ZNF107: variants seen among roughly 807,000 people sequenced by gnomAD.
ZNF107 encodes the protein zinc finger protein 107, also known as C2H2 type zinc-finger protein.
In ZNF107, 19 loss-of-function variants were observed where a neutral mutation model predicts 12.3. The ratio of observed to expected loss-of-function variants is 1.55; its 90% confidence interval spans 1.08 to 2.27. ZNF107 has a LOEUF of 2.27. Ranked by LOEUF, ZNF107 falls within the 30% of genes most tolerant of loss-of-function variation. The probability of loss-of-function intolerance (pLI) is 0.00; values close to 1 mark genes in which losing one functional copy is unlikely to be tolerated. For missense variants in ZNF107, 958 were observed against 979.9 expected, an observed-to-expected ratio of 0.98 and a Z score of 0.30; for synonymous variants, 317 against 330.5, an observed-to-expected ratio of 0.96 and a Z score of 0.44.
intron 3 of ZNF107, among the ~76,000 whole-genome samples, chr7:64,705,576 CATCACAATCTTTATA>C: frequency 6.6e-6 from 1 of 152,012 alleles, no homozygotes; most frequent in Admixed American, 6.6e-5. Context: ...ACAAGTTGTC[CATCACAATCTTTATA>C]ATGTAGCTTT....
intron 1 of ZNF107, among the ~76,000 whole-genome samples, chr7:64,673,238 T>A (rs549783682): frequency 4.7e-4 from 71 of 152,282 alleles, no homozygotes; most frequent in African/African-American, 1.6e-3. Context: ...GAGATGGGGT[T>A]TCACCATCTT....
chr7:64,666,204 C>T lies in ZNF107; in HGVS notation c.-79C>T, dbSNP rs1788993518. On this transcript the variant is annotated 5_prime_UTR_variant, in exon 1 of 4. Transcript: ENST00000620827. ...GCTCAGTGTCCTCTGCTCCTAGAGG[C>T]CCAGCCTCTGTGTCCCTGTGACCTG... 10 of 1,576,046 alleles carry T rather than the reference C, an allele frequency of 6.3e-6. No individual in the cohort carries two copies. Among genetic ancestry groups the T allele is most frequent in the East Asian group, 2.3e-5 (1 of 43,570 alleles).
rs1276399939 is a variant in ZNF107, at chr7:64,676,514, T to A, written c.3+10229T>A. ...CTGTGTCAGAATCTAAGTCTCTTTA[T>A]AAATCTCTAAGAAATTGCTTTATTC... On this transcript the variant is annotated intron_variant, in intron 1 of 3. Transcript: ENST00000620827. Among the ~76,000 whole-genome samples, 3 of 152,240 alleles carry A rather than the reference T, an allele frequency of 2.0e-5. 1 individual carries two copies. The highest frequency in any genetic ancestry group is 7.2e-5 in the African/African-American group (3 of 41,456).
In ZNF107 at chr7:64,708,974, A is replaced by G. The variant is rs895206313; in HGVS notation, c.*318A>G. On this transcript the variant is annotated 3_prime_UTR_variant, in exon 4 of 4. Transcript: ENST00000620827. ...GAGAAAAGCCATACAAATGAGAAGA[A>G]TGTGGCAATGCCTTTAATCAGTCCT... 4 of 472,720 alleles carry G rather than the reference A, an allele frequency of 8.5e-6. No homozygotes were observed. The highest frequency in any genetic ancestry group is 2.0e-5 in the African/African-American group (1 of 50,642). 29.3% of individuals were successfully genotyped at this position (472,720 alleles called of 1,614,324 possible).
chr7:64,695,355 T>C (rs956519965), intron 3 of ZNF107, among the ~76,000 whole-genome samples: 3 of 152,178 alleles, frequency 2.0e-5, no homozygotes, highest in Admixed American at 2.0e-4. Context: ...TCAAAATACC[T>C]GTCTTCCATG....
intron 3 of ZNF107, among the ~76,000 whole-genome samples, chr7:64,700,092 T>C (rs932558590): frequency 1.3e-5 from 2 of 149,190 alleles, no homozygotes; most frequent in African/African-American, 4.9e-5. Flanking sequence ...TTGTACATTC[T>C]CTTGCTTTTG....
chr7:64,680,618 A>C (rs2128959151), intron 1 of ZNF107, among the ~76,000 whole-genome samples: 1 of 152,342 alleles, frequency 6.6e-6, no homozygotes, highest in South Asian at 2.1e-4. Context: ...ACGAAAATCC[A>C]GCCCAGTTTG....
intron 3 of ZNF107, among the ~76,000 whole-genome samples, chr7:64,693,165 A>ATTTTTTTTTTTT (rs34734604): frequency 9.1e-5 from 10 of 110,116 alleles, no homozygotes; most frequent in Non-Finnish European, 1.1e-4. Context: ...CACTCAGCTA[A>ATTTTTTTTTTTT]TTTTTTTTTT....
rs1788998261 is a variant in ZNF107 at position 64,666,305 on chromosome 7, C to A, written c.3+20C>A. ...GAAATGGTGAGAGTGCTGGGTCCGACATCCCGAGAGAGGGGGAGGGGCTGG... is the reference window on the plus strand; with the variant it reads ...GAAATGGTGAGAGTGCTGGGTCCGAAATCCCGAGAGAGGGGGAGGGGCTGG... On this transcript the variant is annotated intron_variant, in intron 1 of 3. Coordinates refer to ENST00000620827, the MANE Select transcript of ZNF107 (RefSeq NM_001282359.2). The A allele has an allele frequency of 6.2e-7, 1 of 1,608,938 alleles. No homozygotes were observed. The highest frequency in any genetic ancestry group is 1.1e-5 in the South Asian group (1 of 90,932).
chr7:64,697,717 G>A (rs1404239519), intron 3 of ZNF107, among the ~76,000 whole-genome samples: 5 of 145,542 alleles, frequency 3.4e-5, no homozygotes, highest in South Asian at 2.1e-4. Flanking sequence ...TTGAGACGGA[G>A]TCTCGCTTTG....
chr7:64,706,668 C>A lies in ZNF107; in HGVS notation c.571C>A (p.His191Asn). Residue 191 changes from histidine (H) to asparagine (N), a missense_variant, in exon 4 of 4, where the codon CAT becomes AAT. Transcript: ENST00000620827. Reference protein sequence around the residue: ...SFCVLSQLTQHRRIHTRVNSY... With the variant: ...SFCVLSQLTQNRRIHTRVNSY... ...TTGCGTGCTTTCACAACTAACTCAG[C>A]ATAGAAGAATTCATACTAGAGTGAA... 5 of 1,613,330 alleles carry A rather than the reference C, an allele frequency of 3.1e-6. No individual in the cohort carries two copies. Among genetic ancestry groups the A allele is most frequent in the Non-Finnish European group, 4.2e-6 (5 of 1,179,624 alleles).
Position 64,666,254 on chromosome 7 carries a change from A to G in ZNF107, c.-29A>G. On this transcript the variant is annotated 5_prime_UTR_variant, in exon 1 of 4. Transcript: ENST00000620827. The stretch of plus-strand genomic sequence containing the variant: ...GCAGATATTGGGAGATCCACAGCTA[A>G]GACGCCGGGACTCCCTGGAAACCTA... 1 of 1,608,290 alleles carries G rather than the reference A, an allele frequency of 6.2e-7. No homozygotes were observed. The highest frequency in any genetic ancestry group is 8.5e-7 in the Non-Finnish European group (1 of 1,176,744).
At chr7:64,695,476 A>G (rs1299963197) in intron 3 of ZNF107, among the ~76,000 whole-genome samples, 3 of 152,146 alleles carry the variant, frequency 2.0e-5, no homozygotes, top group Non-Finnish European at 4.4e-5. Flanking sequence ...TTGTAGTTCC[A>G]TATTAGTGTG....
At position 64,709,533 on chromosome 7, in the gene ZNF107, A is replaced by G. The variant is rs1249509579; in HGVS notation, c.*877A>G. 2.7e-6 allele frequency: 1 copy of G among 367,608 alleles called. No homozygotes were observed. Among genetic ancestry groups the G allele is most frequent in the Non-Finnish European group, 5.2e-6 (1 of 190,984 alleles). The allele number at this position is 367,608 out of a possible 1,614,324, so 22.8% of individuals were successfully genotyped here. ...AAATCATACTGGTGAAAAATCCTAG[A>G]AATGTGAAAAATATCACAAAGCCTT... On this transcript the variant is annotated 3_prime_UTR_variant, in exon 4 of 4. Coordinates refer to ENST00000620827, the MANE Select transcript of ZNF107 (RefSeq NM_001282359.2).
chr7:64,690,418 T>C, intron 1 of ZNF107: 2 of 985,368 alleles, frequency 2.0e-6, no homozygotes, highest in Non-Finnish European at 2.4e-6. Context: ...CACCCTGGAG[T>C]CTTGCCTCAC....
chr7:64,669,610 A>C (rs920807653), intron 1 of ZNF107, among the ~76,000 whole-genome samples: 2 of 151,952 alleles, frequency 1.3e-5, no homozygotes, highest in Non-Finnish European at 2.9e-5. Context: ...CCTGGCCAAC[A>C]TGGTGAAGCC....
chr7:64,706,230 C>A, intron 3 of ZNF107, 94 bp from the exon 4 acceptor site: 5 of 1,212,236 alleles, frequency 4.1e-6, no homozygotes, highest in South Asian at 3.7e-5. Flanking sequence ...TGCAATCTGG[C>A]TTATGTAGTT....
In ZNF107 at chr7:64,695,444, A is replaced by C. The variant is rs1790256646; in HGVS notation, c.226+3484A>C. ...TCAATATTGCAAAAAAGATTTCATG[A>C]ATAAACATTTTTCTTATTGTTTTGT... On this transcript the variant is annotated intron_variant, in intron 3 of 3. Coordinates refer to ENST00000620827, the MANE Select transcript of ZNF107 (RefSeq NM_001282359.2). Among the ~76,000 whole-genome samples, 4 of 152,270 alleles carry C rather than the reference A, an allele frequency of 2.6e-5. No homozygotes were observed. The South Asian group carries it at 8.3e-4, about 32-fold the overall frequency.
intron 3 of ZNF107, among the ~76,000 whole-genome samples, chr7:64,700,447 G>A (rs2128966225): frequency 6.8e-6 from 1 of 147,564 alleles, no homozygotes; most frequent in East Asian, 2.1e-4. Flanking sequence ...CTCACCAGAA[G>A]CAGATGCTGG....
Sources: allele counts gnomAD v4.1 joint callset (sites outside exome capture counted in the v4.1 genomes callset), GRCh38; gene constraint gnomAD v4.1.1; transcripts MANE v1.5; gene names NCBI Gene and HGNC (gene_info 2026-07-23, HGNC 2026-07-21).